Variants in SGCZ observed in about 807,000 individuals in gnomAD.
The protein encoded by SGCZ is sarcoglycan zeta.
Under a neutral mutation model 41.3 loss-of-function variants are expected in SGCZ, and 40 were observed. That is an observed-to-expected ratio of 0.97 (90% CI 0.75 to 1.26). The LOEUF (loss-of-function observed/expected upper bound fraction) is 1.26, where lower values mean the gene tolerates loss of function less well. Among genes scored for constraint, SGCZ ranks in the 50% most tolerant of loss-of-function variants. The pLI, the probability that SGCZ is intolerant of heterozygous loss-of-function variation, is 0.00. For missense variants in SGCZ, 552 were observed against 369.8 expected (o/e 1.49, Z -4.04); for synonymous variants, 206 against 137.5 (o/e 1.50, Z -3.49).
chr8:14,422,958 G>A (rs893058928), intron 2 of SGCZ, among the ~76,000 whole-genome samples: 3 of 152,162 alleles, frequency 2.0e-5, no homozygotes, highest in African/African-American at 4.8e-5. Context: ...AACTGAGCAG[G>A]ACAAGGCTGC....
At chr8:14,382,024 G>A (rs868206069) in intron 2 of SGCZ, among the ~76,000 whole-genome samples, 3 of 152,052 alleles carry the variant, frequency 2.0e-5, no homozygotes, top group Non-Finnish European at 4.4e-5. Flanking sequence ...GCTTTACCTT[G>A]CTAACTCTTG....
chr8:15,004,902 T>C (rs556754603), intron 1 of SGCZ, among the ~76,000 whole-genome samples: 15 of 151,822 alleles, frequency 9.9e-5, no homozygotes, highest in African/African-American at 2.9e-4. Context: ...ATACAGATTC[T>C]CACCACTGCC....
chr8:14,132,664 C>T (rs1803077682), intron 5 of SGCZ, among the ~76,000 whole-genome samples: 2 of 152,124 alleles, frequency 1.3e-5, no homozygotes, highest in Non-Finnish European at 2.9e-5. Flanking sequence ...AATCCAGTGT[C>T]TGAATTTCTT....
chr8:14,150,942 T>C (rs1803688404), intron 5 of SGCZ, among the ~76,000 whole-genome samples: 1 of 152,306 alleles, frequency 6.6e-6, no homozygotes, highest in Non-Finnish European at 1.5e-5. Flanking sequence ...AAACATCACA[T>C]GTTCTCACTT....
intron 1 of SGCZ, among the ~76,000 whole-genome samples, chr8:15,149,233 A>G (rs1034691997): frequency 2.0e-5 from 3 of 152,074 alleles, no homozygotes; most frequent in African/African-American, 4.8e-5. Context: ...ATTAAATCCT[A>G]TATGGGATGA....
chr8:14,829,956 C>T (rs1302302848), intron 1 of SGCZ, among the ~76,000 whole-genome samples: 1 of 152,014 alleles, frequency 6.6e-6, no homozygotes, highest in Non-Finnish European at 1.5e-5. Context: ...GGACTACAGG[C>T]GACTGCACCA....
At chr8:14,815,857 T>A (rs1009780234) in intron 1 of SGCZ, among the ~76,000 whole-genome samples, 1 of 152,218 alleles carries the variant, frequency 6.6e-6, no homozygotes, top group Admixed American at 6.5e-5. Flanking sequence ...AAGACTTCAC[T>A]TGGAGTAACT....
At chr8:14,136,625 A>G (rs578145861) in intron 5 of SGCZ, among the ~76,000 whole-genome samples, 15 of 152,262 alleles carry the variant, frequency 9.9e-5, no homozygotes, top group African/African-American at 3.6e-4. Flanking sequence ...CTGAGGCTTG[A>G]CTAGGTAAAC....
intron 2 of SGCZ, among the ~76,000 whole-genome samples, chr8:14,486,769 C>T (rs892199399): frequency 1.3e-5 from 2 of 152,184 alleles, no homozygotes; most frequent in Admixed American, 6.5e-5. Flanking sequence ...CATTCTCCAA[C>T]CTCAGCCTCC....
intron 3 of SGCZ, among the ~76,000 whole-genome samples, chr8:14,287,574 C>T (rs1027035234): frequency 6.6e-6 from 1 of 152,052 alleles, no homozygotes; most frequent in Non-Finnish European, 1.5e-5. Flanking sequence ...TTACAAAATG[C>T]TCTTTGAACT....
intron 2 of SGCZ, among the ~76,000 whole-genome samples, chr8:14,339,225 G>A (rs185070866): frequency 9.1e-4 from 139 of 152,198 alleles, no homozygotes; most frequent in African/African-American, 3.3e-3. Flanking sequence ...GTAAACAACA[G>A]TAATTGTGTG....
chr8:14,176,455 A>C (rs139875576), intron 4 of SGCZ, among the ~76,000 whole-genome samples: 41 of 152,364 alleles, frequency 2.7e-4, no homozygotes, highest in Non-Finnish European at 2.8e-4. Flanking sequence ...CAAACTGAAT[A>C]ATTACAATAT....
intron 1 of SGCZ, among the ~76,000 whole-genome samples, chr8:15,169,307 G>C (rs370444730): frequency 1.3e-5 from 2 of 152,222 alleles, no homozygotes; most frequent in South Asian, 4.2e-4. Flanking sequence ...AACTCCAACA[G>C]CCTGCCCACT....
At chr8:14,792,292 G>C (rs1252067885) in intron 1 of SGCZ, among the ~76,000 whole-genome samples, 1 of 152,084 alleles carries the variant, frequency 6.6e-6, no homozygotes, top group Non-Finnish European at 1.5e-5. Context: ...AATCTCTATA[G>C]ACACACTAAT....
intron 7 of SGCZ, among the ~76,000 whole-genome samples, chr8:14,096,417 G>A (rs978507700): frequency 6.6e-6 from 1 of 152,078 alleles, no homozygotes; most frequent in African/African-American, 2.4e-5. Flanking sequence ...ATATTGATTT[G>A]GATATGTTGA....
chr8:15,061,925 C>A (rs1804952666), intron 1 of SGCZ, among the ~76,000 whole-genome samples: 1 of 152,212 alleles, frequency 6.6e-6, no homozygotes, highest in Non-Finnish European at 1.5e-5. Context: ...AGGTTTGACT[C>A]CTGCCCAGTA....
intron 1 of SGCZ, among the ~76,000 whole-genome samples, chr8:15,031,889 T>C (rs1157310386): frequency 7.6e-6 from 1 of 132,394 alleles, no homozygotes; most frequent in Non-Finnish European, 1.6e-5. Flanking sequence ...CTATATTCTA[T>C]ACCCTCTATA....
intron 1 of SGCZ, among the ~76,000 whole-genome samples, chr8:14,899,949 C>T (rs1222477997): frequency 6.6e-6 from 1 of 152,090 alleles, no homozygotes; most frequent in Non-Finnish European, 1.5e-5. Context: ...GTACGTAGTT[C>T]TAGCAGAGGG....
chr8:15,046,169 A>C (rs17574523), intron 1 of SGCZ, among the ~76,000 whole-genome samples: 7,317 of 152,162 alleles, frequency 0.048, 269 homozygotes, highest in South Asian at 0.14. Flanking sequence ...TTTTAAACTA[A>C]AGCAATGGAA....
Sources: allele counts gnomAD v4.1 joint callset (sites outside exome capture counted in the v4.1 genomes callset), GRCh38; gene constraint gnomAD v4.1.1; transcripts MANE v1.5; gene names NCBI Gene and HGNC (gene_info 2026-07-23, HGNC 2026-07-21).